Variants in CFAP74 observed in about 807,000 individuals in gnomAD.
The protein encoded by CFAP74 is cilia- and flagella-associated protein 74.
A neutral mutation model predicts 188.9 loss-of-function variants in CFAP74; 124 were observed. The ratio of observed to expected loss-of-function variants is 0.66; its 90% CI spans 0.57 to 0.76. The LOEUF is 0.76. Ranked by LOEUF, CFAP74 falls within the 30% of genes least tolerant of loss-of-function variation. The pLI, the probability that CFAP74 is intolerant of heterozygous loss-of-function variation, is 0.00. For missense variants in CFAP74, 2,198 were observed against 2,165.2 expected (o/e 1.02, Z -0.30); for synonymous variants, 956 against 916.7 (o/e 1.04, Z -0.77).
At position 1,923,741 on chromosome 1, in the gene CFAP74, G is replaced by A. The variant is rs780775748; in HGVS notation, c.4389+34C>T. ...CAAGGCCCTGCGTGGGGCCAGGGCC[G>A]GGCCGGGCTGAGCTTGCAGAGCCAG... On this transcript the variant is annotated intron_variant, in intron 35 of 38. Transcript: ENST00000682832. This position sits in a 1 kb window ranked among gnomAD's most constrained non-coding sequence, Gnocchi z 6.3. 21 of 1,612,706 alleles carry A rather than the reference G, an allele frequency of 1.3e-5. No individual in the cohort carries two copies. The Admixed American group carries it at 1.3e-4, about 10-fold the overall frequency.
chr1:1,967,526 G>A (rs544501884), intron 11 of CFAP74, among the ~76,000 whole-genome samples: 126 of 152,208 alleles, frequency 8.3e-4, no homozygotes, highest in African/African-American at 2.9e-3. Context: ...CAAAGGCCCC[G>A]GCGTGAGACG....
At chr1:2,002,854 G>A (rs1035264444) in intron 1 of CFAP74, among the ~76,000 whole-genome samples, 3 of 149,640 alleles carry the variant, frequency 2.0e-5, no homozygotes, top group African/African-American at 7.4e-5. Flanking sequence ...TAAAATAAGT[G>A]AAAGTTAACT....
At chr1:2,002,584 C>T (rs1465110643) in intron 1 of CFAP74, among the ~76,000 whole-genome samples, 2 of 150,822 alleles carry the variant, frequency 1.3e-5, no homozygotes, top group East Asian at 1.9e-4. Flanking sequence ...GCAGGAGAAT[C>T]GCTTGAACCC....
chr1:1,931,997 T>G lies in CFAP74; in HGVS notation c.3012-1661A>C, dbSNP rs542860433. ...AGGAGAATTGCTTGAACCTAGGAGG[T>G]AGAGGTTGCGGTGAGCTGAGATCGC... On this transcript the variant is annotated intron_variant, in intron 25 of 38. Coordinates refer to ENST00000682832, the MANE Select transcript of CFAP74 (RefSeq NM_001304360.2). Among the ~76,000 whole-genome samples the G allele has an allele frequency of 7.6e-5, 10 of 131,372 alleles. No individual in the cohort carries two copies. The East Asian group carries it at 1.6e-3, about 21-fold the overall frequency. The allele number at this position is 131,372 out of a possible 152,430, so 86.2% of individuals were successfully genotyped here.
intron 8 of CFAP74, 96 bp downstream of exon 8, chr1:1,972,841 T>C (rs1250203156): frequency 3.4e-6 from 3 of 873,584 alleles, no homozygotes; most frequent in Non-Finnish European, 5.6e-6. Flanking sequence ...GGCTCCATCT[T>C]AAATAAATAA....
intron 18 of CFAP74, among the ~76,000 whole-genome samples, chr1:1,951,998 G>A (rs961571888): frequency 6.6e-6 from 1 of 152,190 alleles, no homozygotes; most frequent in Non-Finnish European, 1.5e-5. Flanking sequence ...GGCTCAGCAC[G>A]CAGGGAATTC....
chr1:1,943,311 C>T (rs1284655510), intron 21 of CFAP74, among the ~76,000 whole-genome samples: 4 of 152,240 alleles, frequency 2.6e-5, no homozygotes, highest in South Asian at 2.1e-4. Flanking sequence ...ACCGCAGACA[C>T]GCCAACACAC....
intron 33 of CFAP74, among the ~76,000 whole-genome samples, chr1:1,925,006 G>A (rs1271910476): frequency 6.7e-6 from 1 of 149,070 alleles, no homozygotes; most frequent in Non-Finnish European, 1.5e-5. Flanking sequence ...GAAGGCATGA[G>A]GGCACACGCT....
chr1:1,924,098 G>T (rs1206301599), intron 34 of CFAP74, among the ~76,000 whole-genome samples, 169 bp from the exon 35 acceptor site: 4 of 72,952 alleles, frequency 5.5e-5, no homozygotes, highest in African/African-American at 6.0e-5. Flanking sequence ...GGATCCAAGC[G>T]CCCACCCCCC....
rs116133685 is a variant in CFAP74 at position 1,925,988 on chromosome 1, G to A, written c.3949-50C>T. 2.3e-3 allele frequency: 3,449 copies of A among 1,523,072 alleles called. 8 individuals carry two copies. The highest frequency in any genetic ancestry group is 2.8e-3 in the Non-Finnish European group (3,217 of 1,130,532). 94.3% of individuals were successfully genotyped at this position (1,523,072 alleles called of 1,614,324 possible). ...AGGAACCGATGTCTGCTGGAGCCAC[G>A]AGGGGAGCTCTGCCTCAGGGGCAGT... On this transcript the variant is annotated intron_variant, in intron 32 of 38. Transcript: ENST00000682832.
chr1:1,979,376 G>C (rs1656663828), intron 6 of CFAP74, among the ~76,000 whole-genome samples: 1 of 147,906 alleles, frequency 6.8e-6, no homozygotes, highest in Admixed American at 6.7e-5. Flanking sequence ...TACTGAGCTG[G>C]GCGTGGGAAG....
intron 1 of CFAP74, among the ~76,000 whole-genome samples, chr1:2,002,065 G>A (rs576635282): frequency 7.2e-5 from 11 of 152,254 alleles, no homozygotes; most frequent in Middle Eastern, 3.4e-3. Flanking sequence ...GGGTAAACAC[G>A]GCAACAGGCC....
chr1:1,944,450 C>A lies in CFAP74; in HGVS notation c.2367G>T (p.Leu789=). 1 of 1,536,028 alleles carries A rather than the reference C, an allele frequency of 6.5e-7. No homozygotes were observed. Among genetic ancestry groups the A allele is most frequent in the East Asian group, 2.4e-5 (1 of 40,916 alleles). Residue 789 remains leucine (L), a splice_region_variant and synonymous_variant, in exon 21 of 39, where the codon CTG becomes CTT. Coordinates refer to ENST00000682832, the MANE Select transcript of CFAP74 (RefSeq NM_001304360.2). ...TGGCCACGCCCACGACCCTGAAATG[C>A]AGCTGCATATGGACACAGGAGCTCA... ...VTFKNPQCPT[L]HFRVVGVAID... is the part of the protein sequence containing the mutation.
chr1:1,954,909 C>CCGT lies in CFAP74; in HGVS notation c.2176+781_2176+782insACG. 4 of 1,183,026 alleles carry CCGT rather than the reference C, an allele frequency of 3.4e-6. 1 individual carries two copies. The South Asian group carries it at 6.6e-5, about 19-fold the overall frequency. 73.3% of individuals were successfully genotyped at this position (1,183,026 alleles called of 1,614,324 possible). On this transcript the variant is annotated intron_variant, in intron 18 of 38. Coordinates refer to ENST00000682832, the MANE Select transcript of CFAP74 (RefSeq NM_001304360.2). ...CAGGCCAAGGGGCAGTGCAGAACGG[C>CCGT]CTTCGCAACAGTGTGTACCACGAAC...
intron 15 of CFAP74, among the ~76,000 whole-genome samples, 200 bp downstream of exon 15, chr1:1,959,764 C>G (rs1001327935): frequency 7.2e-5 from 11 of 152,238 alleles, no homozygotes; most frequent in African/African-American, 2.7e-4. Context: ...CCCAGAGGAG[C>G]TGCGCCGCGG....
chr1:1,960,331 G>A (rs1021048614), intron 14 of CFAP74, among the ~76,000 whole-genome samples: 12 of 152,266 alleles, frequency 7.9e-5, no homozygotes, highest in Non-Finnish European at 1.2e-4. Flanking sequence ...CCCATGGGTC[G>A]GAGAGGGCCA....
chr1:1,943,224 C>T (rs1048399646), intron 21 of CFAP74, among the ~76,000 whole-genome samples: 4 of 152,246 alleles, frequency 2.6e-5, no homozygotes, highest in Middle Eastern at 3.2e-3. Flanking sequence ...CCGACAGACA[C>T]GCCTGGGCCC....
intron 27 of CFAP74, among the ~76,000 whole-genome samples, chr1:1,928,136 CG>C (rs1652068654): frequency 6.6e-6 from 1 of 150,996 alleles, no homozygotes; most frequent in Non-Finnish European, 1.5e-5. Flanking sequence ...GAAGCCAGGC[CG>C]GGAAGGGCAA....
rs375043571 is a variant in CFAP74 at position 1,974,158 on chromosome 1, C to T, written c.541G>A (p.Glu181Lys). Residue 181 changes from glutamate to lysine, a missense_variant, in exon 7 of 39, where the codon GAG (glutamate) becomes AAG (lysine). Glu to Lys is a moderately conservative substitution (Grantham distance 56, BLOSUM62 1). Transcript: ENST00000682832. The stretch of plus-strand genomic sequence containing the variant: ...TCACGGTCAGCTGTCCGGAAGGCCT[C>T]GAGTCGCCCCTCCTGGATCTCGATG... Reference protein sequence around the residue: ...WHIEIQEGRLEAFRTADREEV... With the variant: ...WHIEIQEGRLKAFRTADREEV... 102 of 1,610,764 alleles carry T rather than the reference C, an allele frequency of 6.3e-5. No homozygotes were observed. In the East Asian group the frequency reaches 1.1e-3, roughly 18 times the overall value.
Sources: gnomAD v4.1 joint callset for allele counts (sites outside exome capture counted in the v4.1 genomes callset) on GRCh38, gnomAD v4.1.1 for gene constraint, Gnocchi (gnomAD v3.1) non-coding constraint, MANE v1.5 for transcripts, NCBI Gene and HGNC (gene_info 2026-07-23, HGNC 2026-07-21) for gene names.